The following OSBPL10 variants were observed in gnomAD, a reference collection of about 807,000 sequenced individuals.
The protein encoded by OSBPL10 is oxysterol-binding protein-related protein 10.
In OSBPL10, 49 loss-of-function variants were observed where a neutral mutation model predicts 81.7. The observed-to-expected ratio is 0.60, with a 90% CI of 0.48 to 0.76. The LOEUF (loss-of-function observed/expected upper bound fraction) is 0.76, where lower values mean the gene tolerates loss of function less well. Among genes scored for constraint, OSBPL10 ranks in the 30% least tolerant of loss-of-function variants. The pLI is 0.00. For synonymous variants in OSBPL10, 419 were observed against 383.6 expected, an observed-to-expected ratio of 1.09 and a Z score of -1.08; for missense variants, 923 against 987.8, an observed-to-expected ratio of 0.93 and a Z score of 0.88.
chr3:31,902,125 C>A (rs1027690658), intron 1 of OSBPL10, among the ~76,000 whole-genome samples: 1 of 152,152 alleles, frequency 6.6e-6, no homozygotes, highest in Non-Finnish European at 1.5e-5. Flanking sequence ...TGCCTGTTTC[C>A]GGTCTGTAAA....
At chr3:31,699,863 A>G (rs1187422318) in intron 7 of OSBPL10, among the ~76,000 whole-genome samples, 1 of 152,220 alleles carries the variant, frequency 6.6e-6, no homozygotes, top group African/African-American at 2.4e-5. Context: ...CCTTGAGGTG[A>G]AGAAGATTTT....
intron 2 of OSBPL10, chr3:31,990,026 G>A: frequency 1.2e-6 from 2 of 1,614,120 alleles, no homozygotes; most frequent in East Asian, 2.2e-5. Context: ...CCTTACAAAT[G>A]TGAAGAATGT....
chr3:31,901,457 T>A (rs1696237618), intron 1 of OSBPL10, among the ~76,000 whole-genome samples: 1 of 152,208 alleles, frequency 6.6e-6, no homozygotes, highest in East Asian at 1.9e-4. Context: ...GATCCCACTG[T>A]CTGGAAGTCT....
chr3:31,914,146 C>T (rs549967383), intron 1 of OSBPL10, among the ~76,000 whole-genome samples: 215 of 152,254 alleles, frequency 1.4e-3, no homozygotes, highest in Non-Finnish European at 2.1e-3. Context: ...GTCTCGAACT[C>T]CTGACCTCAA....
intron 2 of OSBPL10, among the ~76,000 whole-genome samples, chr3:32,005,224 C>T (rs750733370): frequency 5.1e-4 from 77 of 152,102 alleles, no homozygotes; most frequent in Non-Finnish European, 9.8e-4. Context: ...CTCTCCCTCC[C>T]CTTGCCCCCT....
chr3:31,744,524 C>T (rs375886294), intron 5 of OSBPL10, among the ~76,000 whole-genome samples: 6 of 75,800 alleles, frequency 7.9e-5, no homozygotes, highest in East Asian at 1.4e-3. Context: ...GGTGATAGAG[C>T]GAGACTCCGT....
At chr3:31,892,937 C>G (rs1293677373) in intron 1 of OSBPL10, among the ~76,000 whole-genome samples, 1 of 152,122 alleles carries the variant, frequency 6.6e-6, no homozygotes, top group Non-Finnish European at 1.5e-5. Flanking sequence ...ATCTGTTAAC[C>G]GGTGGTTGAG....
intron 4 of OSBPL10, among the ~76,000 whole-genome samples, chr3:31,785,867 G>A (rs1698849051): frequency 6.6e-6 from 1 of 152,154 alleles, no homozygotes; most frequent in Non-Finnish European, 1.5e-5. Flanking sequence ...CATGGCTTTA[G>A]GATTCTGGGA....
chr3:31,994,646 T>G (rs1000156100), intron 2 of OSBPL10, among the ~76,000 whole-genome samples: 1 of 152,210 alleles, frequency 6.6e-6, no homozygotes, highest in Non-Finnish European at 1.5e-5. Context: ...GTGACAGTAA[T>G]GTGAGCATTT....
intron 3 of OSBPL10, among the ~76,000 whole-genome samples, chr3:31,858,979 G>C (rs555316425): frequency 1.1e-3 from 167 of 152,300 alleles, no homozygotes; most frequent in African/African-American, 3.9e-3. Context: ...GTTATAAAAA[G>C]AATATTGTGA....
intron 1 of OSBPL10, among the ~76,000 whole-genome samples, chr3:31,938,665 C>T (rs1697451238): frequency 6.6e-6 from 1 of 152,074 alleles, no homozygotes; most frequent in Non-Finnish European, 1.5e-5. Flanking sequence ...CACGCCAACT[C>T]ACCCAGGTAA....
At chr3:31,846,930 T>A (rs1438516965) in intron 3 of OSBPL10, among the ~76,000 whole-genome samples, 1 of 152,168 alleles carries the variant, frequency 6.6e-6, no homozygotes, top group Non-Finnish European at 1.5e-5. Flanking sequence ...AACCCCAAGA[T>A]CCAGCCTTCT....
chr3:31,782,843 C>T (rs376022235), intron 4 of OSBPL10, among the ~76,000 whole-genome samples: 17 of 152,108 alleles, frequency 1.1e-4, no homozygotes, highest in African/African-American at 2.4e-4. Context: ...CTGGTGAGAA[C>T]GTCAACTAGC....
intron 7 of OSBPL10, among the ~76,000 whole-genome samples, chr3:31,687,305 T>G (rs1700817524): frequency 6.6e-6 from 1 of 152,116 alleles, no homozygotes; most frequent in Non-Finnish European, 1.5e-5. Context: ...TGGCAATAAT[T>G]CCACCTCTAG....
intron 1 of OSBPL10, among the ~76,000 whole-genome samples, chr3:31,920,174 G>A (rs542718911): frequency 3.9e-5 from 6 of 152,302 alleles, no homozygotes; most frequent in African/African-American, 1.4e-4. Context: ...GGAATAAGCA[G>A]GTGAAGCATT....
chr3:31,837,526 TA>T (rs1700390723), intron 3 of OSBPL10, among the ~76,000 whole-genome samples: 1 of 150,762 alleles, frequency 6.6e-6, no homozygotes, highest in African/African-American at 2.4e-5. Context: ...ATTTAAGTTT[TA>T]ACAAATTAGC....
chr3:32,009,410 G>A (rs764206980), intron 2 of OSBPL10, among the ~76,000 whole-genome samples: 2 of 152,200 alleles, frequency 1.3e-5, no homozygotes, highest in Non-Finnish European at 1.5e-5. Flanking sequence ...TCTCTCACTA[G>A]TTGGGGAAAC....
chr3:31,718,815 C>T (rs2125633165), intron 6 of OSBPL10: 1 of 152,278 alleles, frequency 6.6e-6, no homozygotes, highest in African/African-American at 2.4e-5. Flanking sequence ...CCAGTAACAT[C>T]AGACCCGGGA....
At chr3:31,706,524 T>C (rs1480377314) in intron 6 of OSBPL10, among the ~76,000 whole-genome samples, 1 of 150,900 alleles carries the variant, frequency 6.6e-6, no homozygotes, top group Non-Finnish European at 1.5e-5. Flanking sequence ...CCCTTAACCA[T>C]GGGCCTCTGC....
Sources: gnomAD v4.1 joint callset for allele counts (sites outside exome capture counted in the v4.1 genomes callset) on GRCh38, gnomAD v4.1.1 for gene constraint, MANE v1.5 for transcripts, NCBI Gene and HGNC (gene_info 2026-07-23, HGNC 2026-07-21) for gene names.